The following ARHGEF38 variants were observed in gnomAD, a reference collection of about 807,000 sequenced individuals.
ARHGEF38 encodes Rho guanine nucleotide exchange factor (GEF) 38.
Under a neutral mutation model 79.9 loss-of-function variants are expected in ARHGEF38, and 79 were observed. The observed-to-expected ratio is 0.99, with a 90% CI of 0.82 to 1.19. The LOEUF is 1.19. ARHGEF38 is among the 50% of genes most tolerant of loss of function. The pLI is 0.00. For synonymous variants in ARHGEF38, 366 were observed against 328.3 expected (o/e 1.11, Z -1.24); for missense variants, 962 against 907.2 (o/e 1.06, Z -0.78).
intron 2 of ARHGEF38, among the ~76,000 whole-genome samples, chr4:105,597,790 G>A (rs1029700526): frequency 2.2e-4 from 33 of 152,044 alleles, no homozygotes; most frequent in African/African-American, 7.7e-4. Flanking sequence ...CTTGGTAAAG[G>A]GTACATGGAT....
At position 105,613,441 on chromosome 4, in the gene ARHGEF38, T is replaced by C. The variant is rs1035474259; in HGVS notation, c.442T>C (p.Ser148Pro). The change falls in exon 3 of 14, where the codon TCA (serine) becomes CCA (proline). Residue 148 changes from serine (S) to proline (P), a missense_variant. Transcript: ENST00000420470. ...FSNIESVHQI[S>P]AKLLSLLEEA... Reference sequence around the variant, plus strand: ...CAACATTGAGTCCGTGCATCAGATATCAGCCAAGCTGCTGTCATTGTTGGA... The same window carrying C: ...CAACATTGAGTCCGTGCATCAGATACCAGCCAAGCTGCTGTCATTGTTGGA... 1.4e-5 allele frequency: 22 copies of C among 1,613,304 alleles called. No individual in the cohort carries two copies. The highest frequency in any genetic ancestry group is 1.6e-4 in the Middle Eastern group (1 of 6,078).
At chr4:105,612,485 G>A (rs760325442) in intron 2 of ARHGEF38, among the ~76,000 whole-genome samples, 2 of 152,050 alleles carry the variant, frequency 1.3e-5, no homozygotes, top group African/African-American at 2.4e-5. Flanking sequence ...TGAGTAAAAG[G>A]CACCTACTCC....
intron 1 of ARHGEF38, among the ~76,000 whole-genome samples, chr4:105,569,024 T>A (rs903471598): frequency 1.3e-5 from 2 of 152,190 alleles, no homozygotes; most frequent in Non-Finnish European, 2.9e-5. Context: ...AATTCAGGAT[T>A]ATTTATTGGT....
Position 105,556,739 on chromosome 4 carries a change from T to G in ARHGEF38, c.196+3778T>G, listed in dbSNP as rs189401992. On this transcript the variant is annotated intron_variant, in intron 1 of 13. Transcript: ENST00000420470. ...AACACTCAGTAACTGTTAAATAGAG[T>G]GAATGACTTGAATGATCAGGCCCAA... Among the ~76,000 whole-genome samples the G allele has an allele frequency of 5.9e-5, 9 of 152,046 alleles. No homozygotes were observed. In the East Asian group the frequency reaches 1.7e-3, roughly 29 times the overall value.
At chr4:105,605,289 AATTTTG>A (rs1727991970) in intron 2 of ARHGEF38, among the ~76,000 whole-genome samples, 1 of 152,002 alleles carries the variant, frequency 6.6e-6, no homozygotes, top group African/African-American at 2.4e-5. Flanking sequence ...TTTTAATTTT[AATTTTG>A]ATTTTAAGTT....
chr4:105,585,726 C>CTTTGTTTTT (rs1727003651), intron 1 of ARHGEF38, among the ~76,000 whole-genome samples: 1 of 71,502 alleles, frequency 1.4e-5, no homozygotes, highest in Non-Finnish European at 2.4e-5. Flanking sequence ...CCCTCCGTTG[C>CTTTGTTTTT]TTTTTTTTTT....
intron 1 of ARHGEF38, among the ~76,000 whole-genome samples, chr4:105,585,498 C>T (rs112738844): frequency 3.2e-4 from 9 of 27,694 alleles, no homozygotes; most frequent in African/African-American, 4.8e-4. Flanking sequence ...TAAAAATTCA[C>T]ATCACCACTG....
chr4:105,679,970 T>A lies in ARHGEF38; in HGVS notation c.*2033T>A, dbSNP rs1731254070. Reference sequence around the variant, plus strand: ...GTAATTTCTCTTTGTGACTGTGCAATGTCCCCATGTAAACACAGTGCATTC... The same window carrying A: ...GTAATTTCTCTTTGTGACTGTGCAAAGTCCCCATGTAAACACAGTGCATTC... On this transcript the variant is annotated 3_prime_UTR_variant, in exon 14 of 14. Coordinates refer to ENST00000420470, the MANE Select transcript of ARHGEF38 (RefSeq NM_001242729.2). The A allele has an allele frequency of 1.5e-6, 2 of 1,324,110 alleles. No homozygotes were observed. The highest frequency in any genetic ancestry group is 1.2e-5 in the South Asian group (1 of 85,082). 82.0% of individuals were successfully genotyped at this position (1,324,110 alleles called of 1,614,324 possible).
chr4:105,616,862 G>A (rs901501330), intron 3 of ARHGEF38, among the ~76,000 whole-genome samples: 1 of 152,176 alleles, frequency 6.6e-6, no homozygotes, highest in Admixed American at 6.5e-5. Flanking sequence ...GTGATTAAAT[G>A]CATGCAGCTG....
intron 3 of ARHGEF38, among the ~76,000 whole-genome samples, chr4:105,624,730 G>C (rs1275481574): frequency 6.6e-6 from 1 of 152,222 alleles, no homozygotes; most frequent in African/African-American, 2.4e-5. Context: ...ATTTGGGCTG[G>C]CGAATCTACT....
chr4:105,583,069 A>G (rs1161238835), intron 1 of ARHGEF38, among the ~76,000 whole-genome samples: 2 of 152,148 alleles, frequency 1.3e-5, no homozygotes, highest in African/African-American at 4.8e-5. Flanking sequence ...CAGTTTGATA[A>G]TATGGTCACT....
chr4:105,681,337 A>C (rs986867890), downstream of ARHGEF38, among the ~76,000 whole-genome samples: 1 of 152,030 alleles, frequency 6.6e-6, no homozygotes, highest in Non-Finnish European at 1.5e-5. Flanking sequence ...GTTTACAGAG[A>C]TCACCTATCA....
chr4:105,565,706 T>C (rs930035437), intron 1 of ARHGEF38, among the ~76,000 whole-genome samples: 1 of 152,164 alleles, frequency 6.6e-6, no homozygotes, highest in Admixed American at 6.6e-5. Flanking sequence ...GAAATTAGCT[T>C]CCTTTTTTTA....
At chr4:105,623,923 A>G (rs1359818379) in intron 3 of ARHGEF38, among the ~76,000 whole-genome samples, 3 of 152,124 alleles carry the variant, frequency 2.0e-5, no homozygotes, top group South Asian at 2.1e-4. Context: ...TACTGAGTGG[A>G]TGCCACCTTA....
intron 5 of ARHGEF38, among the ~76,000 whole-genome samples, chr4:105,636,678 G>C (rs1003523840): frequency 6.6e-6 from 1 of 151,924 alleles, no homozygotes; most frequent in African/African-American, 2.4e-5. Flanking sequence ...AAGTCTTTGG[G>C]AACTGCTCAT....
chr4:105,579,791 G>T (rs1726691289), intron 1 of ARHGEF38, among the ~76,000 whole-genome samples: 2 of 152,078 alleles, frequency 1.3e-5, no homozygotes, highest in Admixed American at 1.3e-4. Context: ...TTTTGGAATA[G>T]CTTCGGTAGG....
chr4:105,664,748 G>T (rs773221326), intron 10 of ARHGEF38, among the ~76,000 whole-genome samples: 1 of 152,144 alleles, frequency 6.6e-6, no homozygotes, highest in Non-Finnish European at 1.5e-5. Flanking sequence ...GGGGTTTGGG[G>T]TACAACAACA....
chr4:105,648,712 T>G lies in ARHGEF38; in HGVS notation c.1008+30T>G, dbSNP rs773749040. 3 of 1,489,402 alleles carry G rather than the reference T, an allele frequency of 2.0e-6. No individual in the cohort carries two copies. In the East Asian group the frequency reaches 7.4e-5, roughly 37 times the overall value. 92.3% of individuals were successfully genotyped at this position (1,489,402 alleles called of 1,614,324 possible). A position where few individuals can be genotyped will look rare whatever the true frequency, so the allele number is the denominator to read the frequency against. The stretch of plus-strand genomic sequence containing the variant: ...TTTTTCTTCTTGGACCACCCACCTT[T>G]TCCCAGGGAACATGAATGCAGATAT... On this transcript the variant is annotated intron_variant, in intron 7 of 13. Transcript: ENST00000420470.
intron 8 of ARHGEF38, 80 bp downstream of exon 8, chr4:105,654,249 G>A: frequency 1.2e-6 from 1 of 838,506 alleles, no homozygotes; most frequent in Non-Finnish European, 1.7e-6. Flanking sequence ...GTTTTGAAGA[G>A]TAAATGTGAC....
Sources: allele counts gnomAD v4.1 joint callset (sites outside exome capture counted in the v4.1 genomes callset), GRCh38; gene constraint gnomAD v4.1.1; transcripts MANE v1.5; gene names NCBI Gene and HGNC (gene_info 2026-07-23, HGNC 2026-07-21).